Variants in IVL observed in about 807,000 individuals in gnomAD.
The protein encoded by IVL is involucrin.
For missense variants in IVL, 722 were observed against 624.9 expected, an observed-to-expected ratio of 1.16 and a Z score of -1.66; for synonymous variants, 257 against 271.0, an observed-to-expected ratio of 0.95 and a Z score of 0.51.
In IVL at chr1:152,911,693, G is replaced by A. The variant is rs889946988; in HGVS notation, c.*138G>A. 2 of 853,366 alleles carry A rather than the reference G, an allele frequency of 2.3e-6. No individual in the cohort carries two copies. The highest frequency in any genetic ancestry group is 1.7e-5 in the South Asian group (1 of 57,650). 52.9% of individuals were successfully genotyped at this position (853,366 alleles called of 1,614,324 possible). A position where few individuals can be genotyped will look rare whatever the true frequency, so the allele number is the denominator to read the frequency against. ...CTGTCCCTCTACATGTCTCTTTAAT[G>A]GGGTGAGGGTGGGGGAGAGAGGGAA... On this transcript the variant is annotated 3_prime_UTR_variant, in exon 2 of 2. Transcript: ENST00000368764.
At position 152,910,094 on chromosome 1, in the gene IVL, G is replaced by T. The variant is rs377655605; in HGVS notation, c.297G>T (p.Gln99His). ...QQHWEQHEEYQKAENPEQQLK... is the reference protein window; with the variant it reads ...QQHWEQHEEYHKAENPEQQLK... The stretch of plus-strand genomic sequence containing the variant: ...ACTGGGAACAGCATGAGGAATATCA[G>T]AAAGCAGAAAACCCAGAGCAGCAGC... Residue 99 changes from glutamine to histidine, a missense_variant, in exon 2 of 2, where the codon CAG (glutamine) becomes CAT (histidine). Gln to His is a conservative substitution (Grantham distance 24). Transcript: ENST00000368764. 3 of 1,614,108 alleles carry T rather than the reference G, an allele frequency of 1.9e-6. No individual in the cohort carries two copies. The highest frequency in any genetic ancestry group is 2.7e-5 in the African/African-American group (2 of 74,948).
At position 152,911,146 on chromosome 1, in the gene IVL, T is replaced by C; in HGVS notation, c.1349T>C (p.Leu450Ser). The C allele has an allele frequency of 6.4e-7, 1 of 1,558,152 alleles. No individual in the cohort carries two copies. Among genetic ancestry groups the C allele is most frequent in the South Asian group, 1.2e-5 (1 of 84,548 alleles). Residue 450 changes from leucine (L) to serine (S), a missense_variant, in exon 2 of 2, where the codon TTG (leucine) becomes TCG (serine). By Grantham distance (145) the Leu-to-Ser change is moderately radical. Transcript: ENST00000368764. ...CATCTGGAGCAGCAGCAGGGGCAGT[T>C]GGAGGTCCCAGAGCAGCAGGTGGGG... Reference protein sequence around the residue: ...LKHLEQQQGQLEVPEQQVGQP... With the variant: ...LKHLEQQQGQSEVPEQQVGQP...
chr1:152,910,223 T>C lies in IVL; in HGVS notation c.426T>C (p.Asp142=). Residue 142 remains aspartate (D), a synonymous_variant, in exon 2 of 2, where the codon GAT becomes GAC. Transcript: ENST00000368764. ...QQLDQELVKR[D]EQLGMKKEQL... is the part of the protein sequence containing the mutation. Reference sequence around the variant, plus strand: ...TGGATCAAGAGCTAGTCAAGAGAGATGAGCAACTGGGAATGAAGAAAGAGC... The same window carrying C: ...TGGATCAAGAGCTAGTCAAGAGAGACGAGCAACTGGGAATGAAGAAAGAGC... 1 of 1,613,978 alleles carries C rather than the reference T, an allele frequency of 6.2e-7. No individual in the cohort carries two copies. Among genetic ancestry groups the C allele is most frequent in the South Asian group, 1.1e-5 (1 of 91,078 alleles).
Position 152,910,269 on chromosome 1 carries a change from C to T in IVL, c.472C>T (p.Gln158Ter), listed in dbSNP as rs1649907269. 1.2e-6 allele frequency: 2 copies of T among 1,613,710 alleles called. No individual in the cohort carries two copies. Among genetic ancestry groups the T allele is most frequent in the African/African-American group, 2.7e-5 (2 of 74,986 alleles). ...KKEQLLELPE[Q>*]QEGHLKHLEQ... ...AGAGCAACTGTTGGAGCTCCCAGAG[C>T]AGCAGGAGGGGCACCTGAAGCACCT... Residue 158 changes from glutamine to a stop codon, truncating the protein, a stop_gained, in exon 2 of 2, where the codon CAG (glutamine) becomes TAG (stop). Transcript: ENST00000368764. LOFTEE classifies it low-confidence loss of function (END_TRUNC).
Position 152,911,373 on chromosome 1 carries a change from C to T in IVL, c.1576C>T (p.Gln526Ter). 6.2e-7 allele frequency: 1 copy of T among 1,611,960 alleles called. No individual in the cohort carries two copies. Among genetic ancestry groups the T allele is most frequent in the South Asian group, 1.1e-5 (1 of 90,910 alleles). The change falls in exon 2 of 2, where the codon CAG (glutamine) becomes TAG (stop). Residue 526 changes from glutamine (Q) to a stop codon, truncating the protein, a stop_gained. Transcript: ENST00000368764. LOFTEE classifies it low-confidence loss of function (END_TRUNC). ...CGGACAACTAAAACATCTGGAGCAG[C>T]AGGAGGGGCAGCTGAAGGACCTGGA... ...QDGQLKHLEQQEGQLKDLEQQ... is the reference protein window; with the variant it reads ...QDGQLKHLEQ
At chr1:152,909,694 A>G in intron 1 of IVL, 85 bp from the exon 2 acceptor site, 1 of 1,126,524 alleles carries the variant, frequency 8.9e-7, no homozygotes, top group South Asian at 1.6e-5. Flanking sequence ...GGGATGCTAA[A>G]AAACCAGATA....
Position 152,910,573 on chromosome 1 carries a change from A to C in IVL, c.776A>C (p.Gln259Pro), listed in dbSNP as rs199989458. The change falls in exon 2 of 2, where the codon CAG becomes CCG. Residue 259 changes from glutamine to proline, a missense_variant. Coordinates refer to ENST00000368764, the MANE Select transcript of IVL (RefSeq NM_005547.4). ...GGGCAGCTGGAGCTCTCTGAGCAGC[A>C]GGAGGGACAGCTGAAGCACCTGGAG... ...QEGQLELSEQQEGQLKHLEHQ... is the reference protein window; with the variant it reads ...QEGQLELSEQPEGQLKHLEHQ... 4.1e-4 allele frequency: 636 copies of C among 1,550,240 alleles called. No individual in the cohort carries two copies. Among genetic ancestry groups the C allele is most frequent in the Non-Finnish European group, 4.9e-4 (561 of 1,146,324 alleles).
Position 152,910,701 on chromosome 1 carries a change from C to T in IVL, c.904C>T (p.Gln302Ter), listed in dbSNP as rs762285931. ...QLKHLDQQEK[Q>*]PELPEQQMGQ... ...GAAGCACCTGGATCAGCAGGAGAAG[C>T]AGCCAGAGCTCCCAGAGCAGCAGAT... The change falls in exon 2 of 2, where the codon CAG becomes TAG. Residue 302 changes from glutamine to a stop codon, truncating the protein, a stop_gained. Transcript: ENST00000368764. LOFTEE classifies it low-confidence loss of function (END_TRUNC). 1.3e-6 allele frequency: 2 copies of T among 1,549,506 alleles called. No individual in the cohort carries two copies. Among genetic ancestry groups the T allele is most frequent in the South Asian group, 2.4e-5 (2 of 83,892 alleles).
intron 1 of IVL, among the ~76,000 whole-genome samples, chr1:152,909,534 A>G (rs1444212678): frequency 3.3e-5 from 5 of 152,188 alleles, no homozygotes; most frequent in South Asian, 2.1e-4. Context: ...AGCCCTGCAG[A>G]CAGATCTCCT....
Position 152,910,197 on chromosome 1 carries a change from C to CGG in IVL, c.400_401insGG (p.Leu134ArgfsTer6). Reference sequence around the variant, plus strand: ...AGAGAAGAAGCTCTTAGACCAGCAACTGGATCAAGAGCTAGTCAAGAGAGA... The same window carrying CGG: ...AGAGAAGAAGCTCTTAGACCAGCAACGGTGGATCAAGAGCTAGTCAAGAGAGA... On this transcript the variant is annotated frameshift_variant, in exon 2 of 2. Transcript: ENST00000368764. LOFTEE classifies it low-confidence loss of function (END_TRUNC). The CGG allele has an allele frequency of 6.2e-7, 1 of 1,614,178 alleles. No individual in the cohort carries two copies.
intron 1 of IVL, among the ~76,000 whole-genome samples, chr1:152,909,296 C>T (rs369617074): frequency 2.0e-5 from 3 of 152,184 alleles, no homozygotes; most frequent in African/African-American, 4.8e-5. Flanking sequence ...CCTGTGGCTC[C>T]AGTCTGGAGG....
rs1010938697 is a variant in IVL at position 152,908,601 on chromosome 1, A to G, written c.-20+12A>G. 37 of 138,380 alleles carry G rather than the reference A, an allele frequency of 2.7e-4. No individual in the cohort carries two copies. The highest frequency in any genetic ancestry group is 2.4e-3 in the Admixed American group (33 of 13,650). The allele number at this position is 138,380 out of a possible 1,614,324, so 8.6% of individuals were successfully genotyped here. A position where few individuals can be genotyped will look rare whatever the true frequency, so the allele number is the denominator to read the frequency against. ...TTACTGTGAGTCTGGTAAGTGTCGG[A>G]TGGTAGAACCAGGGTTGGGACTCGG... On this transcript the variant is annotated intron_variant, in intron 1 of 1. Coordinates refer to ENST00000368764, the MANE Select transcript of IVL (RefSeq NM_005547.4).
In IVL at chr1:152,911,094, CT is replaced by C; in HGVS notation, c.1298del (p.Leu433GlnfsTer8). Reference sequence around the variant, plus strand: ...GCAGCAGGTGGGGCAGCTGAAGCACCTAGAGGAGCAGGAGGGACAACTGAAG... The same window carrying C: ...GCAGCAGGTGGGGCAGCTGAAGCACCAGAGGAGCAGGAGGGACAACTGAAG... ...LEQQVGQLKHLEEQEGQLKHL... is the reference protein window; with the variant it reads ...LEQQVGQLKHXEEQEGQLKHL... On this transcript the variant is annotated frameshift_variant, in exon 2 of 2. Coordinates refer to ENST00000368764, the MANE Select transcript of IVL (RefSeq NM_005547.4). LOFTEE classifies it low-confidence loss of function (END_TRUNC). The C allele has an allele frequency of 6.4e-7, 1 of 1,553,070 alleles. No homozygotes were observed. The highest frequency in any genetic ancestry group is 8.7e-7 in the Non-Finnish European group (1 of 1,147,706).
Position 152,911,663 on chromosome 1 carries a change from T to G in IVL, c.*108T>G. 9.6e-7 allele frequency: 1 copy of G among 1,047,052 alleles called. No individual in the cohort carries two copies. The highest frequency in any genetic ancestry group is 1.4e-6 in the Non-Finnish European group (1 of 709,130). The allele number at this position is 1,047,052 out of a possible 1,614,324, so 64.9% of individuals were successfully genotyped here. ...AGGTGGCCCGTCTCATCTGTGAACT[T>G]GACTCTGTCCCTCTACATGTCTCTT... On this transcript the variant is annotated 3_prime_UTR_variant, in exon 2 of 2. Transcript: ENST00000368764.
In IVL at chr1:152,911,437, C is replaced by T; in HGVS notation, c.1640C>T (p.Pro547Leu). 6.2e-7 allele frequency: 1 copy of T among 1,614,148 alleles called. No individual in the cohort carries two copies. Among genetic ancestry groups the T allele is most frequent in the African/African-American group, 1.3e-5 (1 of 75,030 alleles). ...CAGCTGGAGCAGCCTGTGTTTGCCCCAGCTCCAGGCCAGGTCCAAGACATT... is the reference window on the plus strand; with the variant it reads ...CAGCTGGAGCAGCCTGTGTTTGCCCTAGCTCCAGGCCAGGTCCAAGACATT... Reference protein sequence around the residue: ...KGQLEQPVFAPAPGQVQDIQP... With the variant: ...KGQLEQPVFALAPGQVQDIQP... Residue 547 changes from proline (P) to leucine (L), a missense_variant, in exon 2 of 2, where the codon CCA (proline) becomes CTA (leucine). Coordinates refer to ENST00000368764, the MANE Select transcript of IVL (RefSeq NM_005547.4).
chr1:152,911,376 G>A lies in IVL; in HGVS notation c.1579G>A (p.Glu527Lys), dbSNP rs1385868452. Residue 527 changes from glutamate to lysine, a missense_variant, in exon 2 of 2, where the codon GAG (glutamate) becomes AAG (lysine). Transcript: ENST00000368764. ...ACAACTAAAACATCTGGAGCAGCAG[G>A]AGGGGCAGCTGAAGGACCTGGAGCA... ...DGQLKHLEQQ[E>K]GQLKDLEQQK... The A allele has an allele frequency of 2.5e-6, 4 of 1,612,788 alleles. No individual in the cohort carries two copies. The highest frequency in any genetic ancestry group is 3.4e-6 in the Non-Finnish European group (4 of 1,179,226).
rs7535306 is a variant in IVL at position 152,911,204 on chromosome 1, A to T, written c.1407A>T (p.Gln469His). The T allele has an allele frequency of 6.4e-7, 1 of 1,560,944 alleles. No individual in the cohort carries two copies. The highest frequency in any genetic ancestry group is 2.0e-5 in the Admixed American group (1 of 51,072). ...AGAACCTGGAGCAGGAGGAGAAGCA[A>T]CTGGAGCTCCCAGAGCAGCAAGAGG... is the stretch of plus-strand genomic sequence containing the variant. ...QPKNLEQEEKQLELPEQQEGQ... is the reference protein window; with the variant it reads ...QPKNLEQEEKHLELPEQQEGQ... Residue 469 changes from glutamine to histidine, a missense_variant, in exon 2 of 2, where the codon CAA becomes CAT. Gln to His is a conservative substitution (Grantham distance 24). Coordinates refer to ENST00000368764, the MANE Select transcript of IVL (RefSeq NM_005547.4).
rs772577225 is a variant in IVL, at chr1:152,910,007, G to A, written c.210G>A (p.Leu70=). The part of the protein sequence containing the change: ...EEKHMTAVKG[L]PEQECEQQQK... ...AGCACATGACTGCTGTAAAGGGACT[G>A]CCTGAGCAAGAATGTGAGCAACAGC... Residue 70 remains leucine (L), a synonymous_variant, in exon 2 of 2, where the codon CTG becomes CTA. Coordinates refer to ENST00000368764, the MANE Select transcript of IVL (RefSeq NM_005547.4). 3.1e-6 allele frequency: 5 copies of A among 1,614,076 alleles called. No homozygotes were observed. Among genetic ancestry groups the A allele is most frequent in the Admixed American group, 3.3e-5 (2 of 60,016 alleles).
In IVL at chr1:152,911,180, G is replaced by T. The variant is rs1649979965; in HGVS notation, c.1383G>T (p.Lys461Asn). Reference protein sequence around the residue: ...EVPEQQVGQPKNLEQEEKQLE... With the variant: ...EVPEQQVGQPNNLEQEEKQLE... ...CAGAGCAGCAGGTGGGGCAGCCAAA[G>T]AACCTGGAGCAGGAGGAGAAGCAAC... The change falls in exon 2 of 2, where the codon AAG (lysine) becomes AAT (asparagine). Residue 461 changes from lysine (K) to asparagine (N), a missense_variant. Lys to Asn is a moderately conservative substitution (Grantham distance 94). Coordinates refer to ENST00000368764, the MANE Select transcript of IVL (RefSeq NM_005547.4). The T allele has an allele frequency of 6.4e-7, 1 of 1,559,182 alleles. No individual in the cohort carries two copies. Among genetic ancestry groups the T allele is most frequent in the Non-Finnish European group, 8.7e-7 (1 of 1,151,542 alleles).
Sources: gnomAD v4.1 joint callset for allele counts (sites outside exome capture counted in the v4.1 genomes callset) on GRCh38, gnomAD v4.1.1 for gene constraint, MANE v1.5 for transcripts, NCBI Gene and HGNC (gene_info 2026-07-23, HGNC 2026-07-21) for gene names.